B4GALNT3: variants seen among roughly 807,000 people sequenced by gnomAD.
B4GALNT3 encodes the protein beta-1,4-N-acetyl-galactosaminyltransferase 3.
In B4GALNT3, 86 loss-of-function variants were observed where a neutral mutation model predicts 120.2. That is an observed-to-expected ratio of 0.72 (90% CI 0.60 to 0.86). The LOEUF is 0.86. Ranked by LOEUF, B4GALNT3 falls within the 40% of genes least tolerant of loss-of-function variation. The pLI is 0.00. For synonymous variants in B4GALNT3, 518 were observed against 510.4 expected (o/e 1.01, Z -0.20); for missense variants, 1,167 against 1,298.9 (o/e 0.90, Z 1.56).
At chr12:480,743 G>A (rs1215187148) in intron 1 of B4GALNT3, among the ~76,000 whole-genome samples, 2 of 152,164 alleles carry the variant, frequency 1.3e-5, no homozygotes, top group East Asian at 1.9e-4. Context: ...CTCCATAGGC[G>A]GGGGCTGTGA....
rs367750242 is a variant in B4GALNT3, at chr12:556,653, G to T, written c.2167G>T (p.Val723Leu). 6.2e-6 allele frequency: 10 copies of T among 1,614,092 alleles called. No homozygotes were observed. The highest frequency in any genetic ancestry group is 8.5e-6 in the Non-Finnish European group (10 of 1,180,048). Reference protein sequence around the residue: ...LELLEQGQRVVRLSEYVSARG... With the variant: ...LELLEQGQRVLRLSEYVSARG... ...ACTGTTGGAACAAGGCCAGCGCGTG[G>T]TGCGGCTCTCGGAGTATGTGTCTGC... Residue 723 changes from valine to leucine, a missense_variant, in exon 15 of 20, where the codon GTG becomes TTG. Transcript: ENST00000266383.
intron 3 of B4GALNT3, among the ~76,000 whole-genome samples, chr12:538,859 C>T (rs1946887420): frequency 6.6e-6 from 1 of 152,214 alleles, no homozygotes; most frequent in Non-Finnish European, 1.5e-5. Context: ...CTTCTGTTCC[C>T]ATCCCCTTGC....
chr12:530,346 C>G (rs1946794635), intron 1 of B4GALNT3, among the ~76,000 whole-genome samples: 1 of 152,214 alleles, frequency 6.6e-6, no homozygotes, highest in South Asian at 2.1e-4. Flanking sequence ...TTTTTGTCTG[C>G]TAAGTTGAAA....
rs772551393 is a variant in B4GALNT3, at chr12:556,590, G to A, written c.2104G>A (p.Asp702Asn). 2.5e-6 allele frequency: 4 copies of A among 1,613,914 alleles called. No homozygotes were observed. Among genetic ancestry groups the A allele is most frequent in the African/African-American group, 1.3e-5 (1 of 74,920 alleles). The change falls in exon 15 of 20, where the codon GAC (aspartate) becomes AAC (asparagine). Residue 702 changes from aspartate to asparagine, a missense_variant. This residue lies in a region of B4GALNT3 where 983 missense variants were observed against 1,102.5 expected (regional missense o/e 0.89). Coordinates refer to ENST00000266383, the MANE Select transcript of B4GALNT3 (RefSeq NM_173593.4). ...CATTGTGAACGTGGAAAAGCGTCAG[G>A]ACCAGCTACGTGGGGGTCGCTACCT... ...QRIVNVEKRQ[D>N]QLRGGRYLLE...
At chr12:472,892 A>T (rs1172025643) in intron 1 of B4GALNT3, among the ~76,000 whole-genome samples, 1 of 152,324 alleles carries the variant, frequency 6.6e-6, no homozygotes, top group Middle Eastern at 3.4e-3. Context: ...TCTAGCCAAC[A>T]TAAATTGTTT....
At chr12:512,145 C>G (rs1311394336) in intron 1 of B4GALNT3, among the ~76,000 whole-genome samples, 3 of 78,658 alleles carry the variant, frequency 3.8e-5, no homozygotes, top group African/African-American at 2.1e-4. Flanking sequence ...CCACCTTCCA[C>G]CTTCCGCCTT....
chr12:547,873 G>A (rs988229136), intron 7 of B4GALNT3, 151 bp from the exon 8 acceptor site: 2 of 654,652 alleles, frequency 3.1e-6, no homozygotes, highest in Non-Finnish European at 5.5e-6. Flanking sequence ...GTGATAGAGT[G>A]GGGGCTCGAA....
intron 1 of B4GALNT3, among the ~76,000 whole-genome samples, chr12:482,067 T>C (rs554160557): frequency 6.6e-6 from 1 of 152,276 alleles, no homozygotes; most frequent in South Asian, 2.1e-4. Flanking sequence ...GCCAATAATC[T>C]AATTGAGTGC....
At chr12:542,033 G>A (rs986172504) in intron 3 of B4GALNT3, among the ~76,000 whole-genome samples, 1 of 152,050 alleles carries the variant, frequency 6.6e-6, no homozygotes, top group African/African-American at 2.4e-5. Flanking sequence ...CCCCAAAGTA[G>A]CACAATGTCC....
At chr12:556,525 C>A in intron 14 of B4GALNT3, 22 bp from the exon 15 acceptor site, 1 of 1,598,240 alleles carries the variant, frequency 6.3e-7, no homozygotes, top group African/African-American at 1.3e-5. Context: ...ACCACTCAGC[C>A]TCCCCACACT....
chr12:563,025 G>A lies in B4GALNT3; in HGVS notation c.*1574G>A, dbSNP rs552216534. 2.6e-5 allele frequency: 4 copies of A among 152,326 alleles called. No homozygotes were observed. Among genetic ancestry groups the A allele is most frequent in the Non-Finnish European group, 5.9e-5 (4 of 68,136 alleles). The allele number at this position is 152,326 out of a possible 1,614,324, so 9.4% of individuals were successfully genotyped here. A position where few individuals can be genotyped will look rare whatever the true frequency, so the allele number is the denominator to read the frequency against. ...GAATGGAGCCCGTGGAGAACCTTCT[G>A]GGGGGTCGGGGAGAATCCCTGCCTC... On this transcript the variant is annotated 3_prime_UTR_variant, in exon 20 of 20. Coordinates refer to ENST00000266383, the MANE Select transcript of B4GALNT3 (RefSeq NM_173593.4).
intron 18 of B4GALNT3, 52 bp downstream of exon 18, chr12:558,713 CTT>C: frequency 6.3e-7 from 1 of 1,583,752 alleles, no homozygotes; most frequent in Non-Finnish European, 8.6e-7. Context: ...GATCTTGGCT[CTT>C]AACTCCAGAG....
At chr12:506,984 C>T (rs1946503508) in intron 1 of B4GALNT3, among the ~76,000 whole-genome samples, 1 of 152,240 alleles carries the variant, frequency 6.6e-6, no homozygotes, top group African/African-American at 2.4e-5. Context: ...TTTTCATTTA[C>T]CCAACATTGC....
chr12:554,037 G>A (rs1181485400), intron 14 of B4GALNT3, 54 bp downstream of exon 14: 3 of 1,309,016 alleles, frequency 2.3e-6, no homozygotes, highest in African/African-American at 2.9e-5. Context: ...GCAGCCAGCT[G>A]GCCTGGAAGG....
Position 514,202 on chromosome 12 carries a change from T to G in B4GALNT3, c.170-20964T>G, listed in dbSNP as rs949374553. 2.0e-5 allele frequency among the ~76,000 whole-genome samples: 3 copies of G among 150,200 alleles called. No individual in the cohort carries two copies. The East Asian group carries it at 5.8e-4, about 29-fold the overall frequency. ...CACTTGTTATTGTCCGTTTTTGTTT[T>G]TTTTTTTTTTTTTGAGACGGAGTCT... On this transcript the variant is annotated intron_variant, in intron 1 of 19. Transcript: ENST00000266383.
At chr12:522,972 G>A (rs4980832) in intron 1 of B4GALNT3, among the ~76,000 whole-genome samples, 104,987 of 141,978 alleles carry the variant, frequency 0.74, 38,997 homozygotes, top group African/African-American at 0.78. Context: ...AAAGGTTAAA[G>A]TGGTAACTTT....
At chr12:493,107 G>C (rs1156764125) in intron 1 of B4GALNT3, among the ~76,000 whole-genome samples, 1 of 152,154 alleles carries the variant, frequency 6.6e-6, no homozygotes, top group Non-Finnish European at 1.5e-5. Flanking sequence ...TTCCTTAAAT[G>C]TAAAATCTGT....
At chr12:480,176 A>G (rs555414630) in intron 1 of B4GALNT3, among the ~76,000 whole-genome samples, 1 of 148,748 alleles carries the variant, frequency 6.7e-6, no homozygotes, top group East Asian at 2.1e-4. Flanking sequence ...CGGCCTCCCA[A>G]AGTGCTGAGA....
intron 1 of B4GALNT3, among the ~76,000 whole-genome samples, chr12:517,690 T>A (rs1468450198): frequency 6.6e-6 from 1 of 152,226 alleles, no homozygotes; most frequent in Non-Finnish European, 1.5e-5. Context: ...CAGGAGACTT[T>A]GCTCAGTGCT....
Sources: allele counts gnomAD v4.1 joint callset (sites outside exome capture counted in the v4.1 genomes callset), GRCh38; gene constraint gnomAD v4.1.1; regional missense constraint gnomAD v4.1.1; transcripts MANE v1.5; gene names NCBI Gene and HGNC (gene_info 2026-07-23, HGNC 2026-07-21).